The following FSHR variants were observed in gnomAD, a reference collection of about 807,000 sequenced individuals.
FSHR encodes follicle stimulating hormone receptor.
In FSHR, 46 loss-of-function variants were observed where a neutral mutation model predicts 52.1. That is an observed-to-expected ratio of 0.88 (90% confidence interval 0.70 to 1.13). The LOEUF (loss-of-function observed/expected upper bound fraction) is 1.13, where lower values mean the gene tolerates loss of function less well. FSHR is among the 50% of genes most tolerant of loss of function. The probability of loss-of-function intolerance (pLI) is 0.00; values close to 1 mark genes in which losing one functional copy is unlikely to be tolerated. For synonymous variants in FSHR, 399 were observed against 309.6 expected, an observed-to-expected ratio of 1.29 and a Z score of -3.03; for missense variants, 964 against 834.6, an observed-to-expected ratio of 1.16 and a Z score of -1.91.
intron 4 of FSHR, among the ~76,000 whole-genome samples, chr2:48,998,479 A>G (rs1484122905): frequency 1.3e-5 from 2 of 152,116 alleles, no homozygotes; most frequent in Non-Finnish European, 2.9e-5. Context: ...TTAAAAGTAT[A>G]AAAAATTCAA....
chr2:49,076,661 C>T (rs897965918), intron 1 of FSHR, among the ~76,000 whole-genome samples: 2 of 152,168 alleles, frequency 1.3e-5, no homozygotes, highest in African/African-American at 2.4e-5. Flanking sequence ...TCCAGAGTCT[C>T]ATCTGAGACA....
intron 1 of FSHR, among the ~76,000 whole-genome samples, chr2:49,126,165 G>A (rs573344557): frequency 3.3e-5 from 5 of 152,274 alleles, no homozygotes; most frequent in Admixed American, 3.3e-4. Flanking sequence ...CTGAGACTGG[G>A]TAATTTAAAA....
chr2:49,052,493 C>T (rs973514226), intron 2 of FSHR, among the ~76,000 whole-genome samples: 1 of 152,146 alleles, frequency 6.6e-6, no homozygotes, highest in Admixed American at 6.5e-5. Flanking sequence ...AATGCTTAGA[C>T]CTCGTCCTGG....
chr2:48,980,870 C>T (rs150767399), intron 8 of FSHR, among the ~76,000 whole-genome samples: 13 of 152,082 alleles, frequency 8.5e-5, no homozygotes, highest in Admixed American at 3.9e-4. Flanking sequence ...TCATTATTCT[C>T]GGGAGCAGAT....
In FSHR at chr2:48,988,980, A is replaced by G; in HGVS notation, c.521T>C (p.Ile174Thr). The G allele has an allele frequency of 1.2e-6, 2 of 1,613,346 alleles. No homozygotes were observed. The highest frequency in any genetic ancestry group is 1.7e-6 in the Non-Finnish European group (2 of 1,179,320). The change falls in exon 6 of 10, where the codon ATT becomes ACT. Residue 174 changes from isoleucine to threonine, a missense_variant. Transcript: ENST00000406846. Reference protein sequence around the residue: ...SFVGLSFESVILWLNKNGIQE... With the variant: ...SFVGLSFESVTLWLNKNGIQE... ...GGATTTTTTCCCCCTTACTTACAGA[A>G]TCACACTTTCAAAGCTCAGCCCCAC...
chr2:49,138,083 GA>G (rs1672549651), intron 1 of FSHR, among the ~76,000 whole-genome samples: 1 of 152,052 alleles, frequency 6.6e-6, no homozygotes, highest in African/African-American at 2.4e-5. Flanking sequence ...AAATTTAGGG[GA>G]GAGATATAAA....
chr2:48,971,743 A>G lies in FSHR; in HGVS notation c.669-2860T>C, dbSNP rs369770449. ...GATTTGTATAGTTCTAGTTTTGTCA[A>G]TTTTTGCCTTTTATATGTTTGATGA... On this transcript the variant is annotated intron_variant, in intron 8 of 9. Coordinates refer to ENST00000406846, the MANE Select transcript of FSHR (RefSeq NM_000145.4). Among the ~76,000 whole-genome samples, 136 of 152,234 alleles carry G rather than the reference A, an allele frequency of 8.9e-4. 1 individual carries two copies. The highest frequency in any genetic ancestry group is 3.0e-3 in the African/African-American group (126 of 41,532).
chr2:49,054,580 C>T (rs889129447), intron 2 of FSHR, among the ~76,000 whole-genome samples: 5 of 152,152 alleles, frequency 3.3e-5, no homozygotes, highest in African/African-American at 1.2e-4. Flanking sequence ...ACCATGCACC[C>T]ATGCCTCTGA....
At chr2:49,147,684 TTTTCTC>T (rs1242764717) in intron 1 of FSHR, among the ~76,000 whole-genome samples, 2 of 152,048 alleles carry the variant, frequency 1.3e-5, no homozygotes, top group East Asian at 3.8e-4. Flanking sequence ...AATTTCCACT[TTTTCTC>T]TTTCAAGGTA....
intron 2 of FSHR, among the ~76,000 whole-genome samples, chr2:49,044,789 A>G (rs1283514350): frequency 4.6e-5 from 7 of 152,050 alleles, no homozygotes; most frequent in Non-Finnish European, 1.0e-4. Context: ...ACTTTTGCCC[A>G]CCTCAGACTG....
intron 8 of FSHR, among the ~76,000 whole-genome samples, chr2:48,979,522 C>T (rs568826374): frequency 4.7e-4 from 71 of 152,206 alleles, no homozygotes; most frequent in Non-Finnish European, 8.4e-4. Flanking sequence ...GGCTCATAGC[C>T]GAGTCTACTC....
intron 1 of FSHR, among the ~76,000 whole-genome samples, chr2:49,148,870 A>G (rs1207821005): frequency 6.6e-6 from 1 of 152,062 alleles, no homozygotes; most frequent in Non-Finnish European, 1.5e-5. Context: ...AAAGTCAGAA[A>G]GATGAGCTAT....
chr2:49,127,720 A>G (rs2103797239), intron 1 of FSHR, among the ~76,000 whole-genome samples: 1 of 149,632 alleles, frequency 6.7e-6, no homozygotes, highest in Admixed American at 6.6e-5. Flanking sequence ...CTCTTGTGGC[A>G]CATTGATTTG....
chr2:49,043,166 G>C (rs1668538993), intron 2 of FSHR, among the ~76,000 whole-genome samples: 2 of 151,986 alleles, frequency 1.3e-5, no homozygotes, highest in Non-Finnish European at 2.9e-5. Context: ...AGGAAGGACT[G>C]AGAAATTTTA....
intron 4 of FSHR, among the ~76,000 whole-genome samples, chr2:49,004,078 G>A (rs1315478687): frequency 1.3e-5 from 2 of 152,178 alleles, no homozygotes; most frequent in Non-Finnish European, 2.9e-5. Flanking sequence ...AGTTTCCACT[G>A]TCCACACTGT....
At chr2:49,048,030 C>A (rs71407542) in intron 2 of FSHR, among the ~76,000 whole-genome samples, 3,828 of 152,144 alleles carry the variant, frequency 0.025, 53 homozygotes, top group East Asian at 0.049. Flanking sequence ...AGGTGCCCAC[C>A]ACCATACCCA....
At chr2:48,977,793 G>C (rs1310537933) in intron 8 of FSHR, among the ~76,000 whole-genome samples, 1 of 152,170 alleles carries the variant, frequency 6.6e-6, no homozygotes, top group Non-Finnish European at 1.5e-5. Flanking sequence ...TGTCATGTAA[G>C]ACTTGATGCC....
At chr2:49,078,933 G>T (rs114964940) in intron 1 of FSHR, among the ~76,000 whole-genome samples, 1,530 of 152,046 alleles carry the variant, frequency 0.01, 13 homozygotes, top group Non-Finnish European at 0.016. Flanking sequence ...AAATGAAAAA[G>T]ATATGTCAGA....
intron 4 of FSHR, among the ~76,000 whole-genome samples, chr2:49,001,582 A>G (rs1013486410): frequency 6.6e-5 from 10 of 152,162 alleles, no homozygotes; most frequent in African/African-American, 2.4e-4. Context: ...GAGTTGCAAA[A>G]GAGTTAATAT....
Sources: allele counts gnomAD v4.1 joint callset (sites outside exome capture counted in the v4.1 genomes callset), GRCh38; gene constraint gnomAD v4.1.1; transcripts MANE v1.5; gene names NCBI Gene and HGNC (gene_info 2026-07-23, HGNC 2026-07-21).